The following NRXN3 variants were observed in gnomAD, a reference collection of about 807,000 sequenced individuals.
NRXN3 encodes neurexin III.
In NRXN3, 32 loss-of-function variants were observed where a neutral mutation model predicts 137.6. The ratio of observed to expected loss-of-function variants is 0.23; its 90% CI spans 0.18 to 0.31. The LOEUF (loss-of-function observed/expected upper bound fraction) is 0.31, where lower values mean the gene tolerates loss of function less well. NRXN3 is among the 10% of genes least tolerant of loss of function. The pLI is 1.00. For synonymous variants in NRXN3, 798 were observed against 784.5 expected (o/e 1.02, Z -0.29); for missense variants, 1,574 against 2,062.5 (o/e 0.76, Z 4.59).
chr14:79,279,170 AG>A (rs755400330), intron 15 of NRXN3, among the ~76,000 whole-genome samples: 18 of 151,864 alleles, frequency 1.2e-4, no homozygotes, highest in Non-Finnish European at 1.9e-4. Context: ...GAGCGAGAGG[AG>A]GGCGGGCGGC....
At chr14:79,004,849 C>A (rs2099549050) in intron 15 of NRXN3, among the ~76,000 whole-genome samples, 1 of 152,082 alleles carries the variant, frequency 6.6e-6, no homozygotes, top group South Asian at 2.1e-4. Flanking sequence ...TTTAAGGTCA[C>A]GTATTTTTTA....
chr14:79,048,248 A>C (rs535887136), intron 15 of NRXN3, among the ~76,000 whole-genome samples: 1 of 152,300 alleles, frequency 6.6e-6, no homozygotes, highest in African/African-American at 2.4e-5. Flanking sequence ...AACAATACTA[A>C]TTGCCTATGA....
intron 4 of NRXN3, among the ~76,000 whole-genome samples, chr14:78,569,031 G>A (rs1448094639): frequency 7.5e-5 from 11 of 147,612 alleles, no homozygotes; most frequent in Admixed American, 1.4e-4. Flanking sequence ...GCAGTGGCGC[G>A]GTCTTGGCTC....
chr14:78,362,474 A>G (rs1434294925), intron 4 of NRXN3, among the ~76,000 whole-genome samples: 7 of 152,196 alleles, frequency 4.6e-5, no homozygotes, highest in Non-Finnish European at 8.8e-5. Flanking sequence ...CCTTTTTACA[A>G]GAAGGAGTTA....
intron 11 of NRXN3, among the ~76,000 whole-genome samples, chr14:78,962,297 G>C (rs779190344): frequency 9.9e-5 from 15 of 152,112 alleles, no homozygotes; most frequent in Non-Finnish European, 2.1e-4. Flanking sequence ...CAATTTTATT[G>C]TGATAATGAC....
rs114659763 is a variant in NRXN3 at position 79,108,065 on chromosome 14, G to A, written c.3262+119924G>A. The stretch of plus-strand genomic sequence containing the variant: ...TATGTGAAGGTAGAATTTGTGAACA[G>A]GGAAGGAGTAGTAGCTACGTGTCAC... On this transcript the variant is annotated intron_variant, in intron 15 of 20. Coordinates refer to ENST00000335750, the MANE Select transcript of NRXN3 (RefSeq NM_001330195.2). Among the ~76,000 whole-genome samples the A allele has an allele frequency of 2.8e-3, 424 of 152,228 alleles. 4 individuals carry two copies. Among genetic ancestry groups the A allele is most frequent in the African/African-American group, 9.2e-3 (382 of 41,556 alleles).
At chr14:78,719,378 G>A (rs187199379) in intron 8 of NRXN3, among the ~76,000 whole-genome samples, 14 of 151,866 alleles carry the variant, frequency 9.2e-5, no homozygotes, top group African/African-American at 2.9e-4. Context: ...CTCTCCATTC[G>A]GGGCCTCCCT....
At chr14:79,606,671 G>C (rs952123499) in intron 16 of NRXN3, among the ~76,000 whole-genome samples, 38 of 152,152 alleles carry the variant, frequency 2.5e-4, no homozygotes, top group African/African-American at 5.6e-4. Context: ...TTTAATAAAT[G>C]GGTTGTGCAC....
intron 16 of NRXN3, among the ~76,000 whole-genome samples, chr14:79,578,370 G>A (rs2097684744): frequency 6.6e-6 from 1 of 152,114 alleles, no homozygotes; most frequent in South Asian, 2.1e-4. Flanking sequence ...TGCGGTTTTT[G>A]GAGGTTGGGT....
intron 10 of NRXN3, among the ~76,000 whole-genome samples, chr14:78,863,159 GC>G (rs2099077405): frequency 6.6e-6 from 1 of 152,004 alleles, no homozygotes; most frequent in Non-Finnish European, 1.5e-5. Context: ...CACAAGTCAG[GC>G]TACAATACAA....
intron 15 of NRXN3, among the ~76,000 whole-genome samples, chr14:79,433,398 G>A (rs1267599623): frequency 1.3e-5 from 2 of 152,136 alleles, no homozygotes; most frequent in Non-Finnish European, 2.9e-5. Flanking sequence ...CTAAGTGGGT[G>A]TCCAGAGAAT....
At chr14:79,254,049 C>G (rs774508595) in intron 15 of NRXN3, among the ~76,000 whole-genome samples, 1 of 152,138 alleles carries the variant, frequency 6.6e-6, no homozygotes, top group African/African-American at 2.4e-5. Flanking sequence ...CTCATTATTT[C>G]CATTCCATGG....
At position 78,866,768 on chromosome 14, in the gene NRXN3, A is replaced by G. The variant is rs183459286; in HGVS notation, c.2275+56424A>G. ...AAGTATAAACAATAAAAATACTACC[A>G]TGTTGCATGCATGTATTACCTTCAT... On this transcript the variant is annotated intron_variant, in intron 10 of 20. Coordinates refer to ENST00000335750, the MANE Select transcript of NRXN3 (RefSeq NM_001330195.2). Among the ~76,000 whole-genome samples, 6 of 148,812 alleles carry G rather than the reference A, an allele frequency of 4.0e-5. No homozygotes were observed. In the East Asian group the frequency reaches 1.0e-3, roughly 25 times the overall value.
At chr14:79,418,288 A>T (rs2095526561) in intron 15 of NRXN3, among the ~76,000 whole-genome samples, 1 of 152,128 alleles carries the variant, frequency 6.6e-6, no homozygotes, top group Non-Finnish European at 1.5e-5. Flanking sequence ...ATTACCTTTT[A>T]TATTCTTTAA....
chr14:78,280,535 TTC>T (rs2153503475), intron 3 of NRXN3, among the ~76,000 whole-genome samples: 1 of 152,250 alleles, frequency 6.6e-6, no homozygotes, highest in African/African-American at 2.4e-5. Flanking sequence ...CGGCTTCTCT[TTC>T]TGGTTCCCAG....
At chr14:78,994,651 T>G (rs908700420) in intron 15 of NRXN3, among the ~76,000 whole-genome samples, 1 of 152,228 alleles carries the variant, frequency 6.6e-6, no homozygotes, top group Non-Finnish European at 1.5e-5. Flanking sequence ...GCATAGTCAT[T>G]AATTTAATTG....
intron 4 of NRXN3, among the ~76,000 whole-genome samples, chr14:78,349,500 T>G (rs550464825): frequency 6.6e-6 from 1 of 152,234 alleles, no homozygotes; most frequent in Non-Finnish European, 1.5e-5. Flanking sequence ...TTCCACAATT[T>G]CTCCCACATG....
intron 4 of NRXN3, among the ~76,000 whole-genome samples, chr14:78,497,530 T>C (rs1036624722): frequency 4.6e-5 from 7 of 152,162 alleles, no homozygotes; most frequent in Admixed American, 1.3e-4. Flanking sequence ...TATCTGCTGC[T>C]CTGTTTCCTG....
chr14:78,611,084 C>G (rs1252968875), intron 4 of NRXN3, among the ~76,000 whole-genome samples: 1 of 152,170 alleles, frequency 6.6e-6, no homozygotes, highest in Non-Finnish European at 1.5e-5. Flanking sequence ...TCCTTGCTTT[C>G]CTGGCAGGTT....
Sources: allele counts gnomAD v4.1 joint callset (sites outside exome capture counted in the v4.1 genomes callset), GRCh38; gene constraint gnomAD v4.1.1; transcripts MANE v1.5; gene names NCBI Gene and HGNC (gene_info 2026-07-23, HGNC 2026-07-21).